Variants in POU2F1 observed in about 807,000 individuals in gnomAD.
The protein encoded by POU2F1 is POU domain, class 2, transcription factor 1.
A neutral mutation model predicts 84.9 loss-of-function variants in POU2F1; 16 were observed. That is an observed-to-expected ratio of 0.19 (90% CI 0.13 to 0.29). The LOEUF (loss-of-function observed/expected upper bound fraction) is 0.29. POU2F1 is among the 10% of genes least tolerant of loss of function. POU2F1 has a pLI of 1.00. For missense variants in POU2F1, 738 were observed against 942.6 expected (o/e 0.78, Z 2.84); for synonymous variants, 368 against 368.3 (o/e 1.00, Z 0.01).
chr1:167,377,096 A>G (rs2101861685), intron 7 of POU2F1, among the ~76,000 whole-genome samples: 1 of 152,368 alleles, frequency 6.6e-6, no homozygotes, highest in South Asian at 2.1e-4. Context: ...AACATGGAAG[A>G]AAAATCAATA....
intron 7 of POU2F1, 68 bp from the exon 8 acceptor site, chr1:167,383,789 T>A (rs559876971): frequency 2.9e-6 from 4 of 1,381,466 alleles, no homozygotes; most frequent in Middle Eastern, 3.6e-4. Flanking sequence ...TTTCTGATTC[T>A]TTCTTTCTTT....
intron 11 of POU2F1, among the ~76,000 whole-genome samples, 196 bp from the exon 12 acceptor site, chr1:167,398,990 C>G (rs1314269035): frequency 6.6e-6 from 1 of 152,060 alleles, no homozygotes; most frequent in African/African-American, 2.4e-5. Flanking sequence ...ATAACTTATC[C>G]TAAGTTAATA....
chr1:167,356,335 C>T (rs931270234), intron 2 of POU2F1, among the ~76,000 whole-genome samples: 13 of 151,808 alleles, frequency 8.6e-5, no homozygotes, highest in African/African-American at 2.9e-4. Context: ...TTGTGTGCTG[C>T]ATCCTCATTA....
chr1:167,234,451 G>T (rs1160210558), intron 1 of POU2F1, among the ~76,000 whole-genome samples: 5 of 152,116 alleles, frequency 3.3e-5, no homozygotes, highest in African/African-American at 1.2e-4. Flanking sequence ...TGTATTTTAG[G>T]GTAGGTTTGG....
Position 167,426,280 on chromosome 1 carries a change from T to A in POU2F1, c.*10470T>A, listed in dbSNP as rs1284657927. The A allele has an allele frequency of 1.3e-5, 2 of 152,222 alleles. No homozygotes were observed. Among genetic ancestry groups the A allele is most frequent in the Admixed American group, 6.5e-5 (1 of 15,290 alleles). The allele number at this position is 152,222 out of a possible 1,614,324, so 9.4% of individuals were successfully genotyped here. On this transcript the variant is annotated 3_prime_UTR_variant, in exon 16 of 16. Coordinates refer to ENST00000367866, the MANE Select transcript of POU2F1 (RefSeq NM_002697.4). ...TAACTTCTTGTTTGTTTCAGTGTAA[T>A]GCTCTTAAAGTCATAGCATGAAAAT...
At chr1:167,368,631 G>A (rs1424256204) in intron 3 of POU2F1, among the ~76,000 whole-genome samples, 1 of 151,828 alleles carries the variant, frequency 6.6e-6, no homozygotes, top group Non-Finnish European at 1.5e-5. Context: ...TAGCCTTTAG[G>A]CCTTAAACAT....
chr1:167,422,468 A>G lies in POU2F1; in HGVS notation c.*6658A>G, dbSNP rs1480021136. 1 of 152,248 alleles carries G rather than the reference A, an allele frequency of 6.6e-6. No individual in the cohort carries two copies. The highest frequency in any genetic ancestry group is 6.5e-5 in the Admixed American group (1 of 15,284). The allele number at this position is 152,248 out of a possible 1,614,324, so 9.4% of individuals were successfully genotyped here. ...TAGACCAAAAACACAAACAGGATAA[A>G]AAGCAAACCAAGAAGTTGAAAGCTA... is the stretch of plus-strand genomic sequence containing the variant. On this transcript the variant is annotated 3_prime_UTR_variant, in exon 16 of 16. Transcript: ENST00000367866.
In POU2F1 at chr1:167,242,999, T is replaced by A. The variant is rs567497954; in HGVS notation, c.61+22041T>A. Among the ~76,000 whole-genome samples, 4 of 152,108 alleles carry A rather than the reference T, an allele frequency of 2.6e-5. No homozygotes were observed. In the East Asian group the frequency reaches 5.8e-4, roughly 22 times the overall value. Reference sequence around the variant, plus strand: ...TATTTCCTTTGTTTCCCAAAATGAATTCTACCTTTATTAACTCAGTTGAAT... The same window carrying A: ...TATTTCCTTTGTTTCCCAAAATGAAATCTACCTTTATTAACTCAGTTGAAT... On this transcript the variant is annotated intron_variant, in intron 1 of 15. Coordinates refer to ENST00000367866, the MANE Select transcript of POU2F1 (RefSeq NM_002697.4).
At chr1:167,290,332 G>C (rs892379414) in intron 1 of POU2F1, among the ~76,000 whole-genome samples, 3 of 152,192 alleles carry the variant, frequency 2.0e-5, no homozygotes, top group African/African-American at 7.2e-5. Flanking sequence ...AGGAGTTTGA[G>C]CCTGCAGTGG....
intron 8 of POU2F1, 40 bp downstream of exon 8, chr1:167,383,991 T>C (rs1412621532): frequency 1.3e-6 from 2 of 1,501,424 alleles, no homozygotes; most frequent in East Asian, 2.3e-5. Context: ...TCTTATCATA[T>C]TGTTTGGGGA....
At chr1:167,330,462 T>A (rs1657007824) in intron 1 of POU2F1, among the ~76,000 whole-genome samples, 1 of 152,152 alleles carries the variant, frequency 6.6e-6, no homozygotes, top group South Asian at 2.1e-4. Context: ...CTCTTTGACA[T>A]TTACTTAGTT....
Position 167,416,178 on chromosome 1 carries a change from A to G in POU2F1, c.*368A>G. On this transcript the variant is annotated 3_prime_UTR_variant, in exon 16 of 16. Coordinates refer to ENST00000367866, the MANE Select transcript of POU2F1 (RefSeq NM_002697.4). The stretch of plus-strand genomic sequence containing the variant: ...TATCATTTCCAGCAGTCATGATGAC[A>G]AGTTAAGGTGGGTTACCAATTCCAA... The G allele has an allele frequency of 2.7e-6, 1 of 363,850 alleles. No individual in the cohort carries two copies. The highest frequency in any genetic ancestry group is 2.4e-5 in the South Asian group (1 of 41,940). 22.5% of individuals were successfully genotyped at this position (363,850 alleles called of 1,614,324 possible).
intron 1 of POU2F1, among the ~76,000 whole-genome samples, chr1:167,278,334 TATTATGTATCTC>T (rs1200227588): frequency 1.3e-5 from 2 of 152,238 alleles, no homozygotes; most frequent in African/African-American, 4.8e-5. Flanking sequence ...CATAATTTGT[TATTATGTATCTC>T]TGAGACTGAA....
chr1:167,296,026 CTT>C (rs34536599), intron 1 of POU2F1, among the ~76,000 whole-genome samples: 4 of 146,738 alleles, frequency 2.7e-5, no homozygotes, highest in South Asian at 4.4e-4. Flanking sequence ...AAGTAGAAAA[CTT>C]TTTTTTTTTT....
chr1:167,249,667 GAAAAGCTCTTT>G (rs1320133577), intron 1 of POU2F1, among the ~76,000 whole-genome samples: 1 of 152,222 alleles, frequency 6.6e-6, no homozygotes. Context: ...GTGAATTGCA[GAAAAGCTCTTT>G]AATGGGAGTA....
intron 2 of POU2F1, among the ~76,000 whole-genome samples, chr1:167,337,295 C>T (rs1242139402): frequency 6.6e-6 from 1 of 151,708 alleles, no homozygotes; most frequent in Non-Finnish European, 1.5e-5. Flanking sequence ...CACTGCACTC[C>T]AGCCTGGGTG....
intron 7 of POU2F1, among the ~76,000 whole-genome samples, chr1:167,377,104 A>G (rs904585016): frequency 1.3e-5 from 2 of 152,240 alleles, no homozygotes; most frequent in Admixed American, 6.5e-5. Flanking sequence ...AGAAAAATCA[A>G]TAAGCTGTGT....
intron 1 of POU2F1, among the ~76,000 whole-genome samples, chr1:167,255,231 G>A (rs1444844466): frequency 1.3e-5 from 2 of 152,202 alleles, no homozygotes; most frequent in African/African-American, 4.8e-5. Context: ...TGTTGGTATA[G>A]TGTGGGCACA....
chr1:167,311,425 A>T (rs942376306), intron 1 of POU2F1, among the ~76,000 whole-genome samples: 5 of 152,210 alleles, frequency 3.3e-5, no homozygotes, highest in Non-Finnish European at 7.4e-5. Flanking sequence ...TGTTAGGTGA[A>T]GGAAAAGAAA....
Sources: allele counts gnomAD v4.1 joint callset (sites outside exome capture counted in the v4.1 genomes callset), GRCh38; gene constraint gnomAD v4.1.1; transcripts MANE v1.5; gene names NCBI Gene and HGNC (gene_info 2026-07-23, HGNC 2026-07-21).